GARIN5B: variants seen among roughly 807,000 people sequenced by gnomAD.
GARIN5B encodes Golgi-associated RAB2 interactor protein 5B.
chr19:55,355,003 C>T, the GARIN5B span: 35 of 203,766 alleles, frequency 1.7e-4, no homozygotes, highest in African/African-American at 8.5e-4. Context: ...AAGGCATATC[C>T]ATAGTTCTGG....
chr19:55,359,464 T>C, the GARIN5B span: 3 of 1,546,006 alleles, frequency 1.9e-6, no homozygotes, highest in Non-Finnish European at 1.7e-6. Context: ...CCTTCTGGGA[T>C]GGAGCAGGTA....
chr19:55,360,709 GT>G, the GARIN5B span: 1 of 1,551,642 alleles, frequency 6.4e-7, no homozygotes, highest in Non-Finnish European at 8.7e-7. Context: ...AGAGGACTGT[GT>G]CTGGTTGGCG....
the GARIN5B span, chr19:55,362,213 C>T: frequency 1.3e-6 from 2 of 1,489,752 alleles, no homozygotes; most frequent in Non-Finnish European, 8.9e-7. Context: ...CTGGGGCCTG[C>T]CATGCCCTGG....
chr19:55,356,075 C>T, the GARIN5B span, among the ~76,000 whole-genome samples: 1 of 151,926 alleles, frequency 6.6e-6, no homozygotes, highest in Admixed American at 6.6e-5. Context: ...CCATGAGCCA[C>T]GATCACACCG....
the GARIN5B span, chr19:55,361,137 G>T: frequency 1.9e-6 from 3 of 1,551,220 alleles, no homozygotes; most frequent in East Asian, 7.3e-5. Flanking sequence ...GTTAGACAGG[G>T]GCAGCCCCTT....
chr19:55,359,787 C>T, the GARIN5B span: 52 of 1,551,400 alleles, frequency 3.4e-5, no homozygotes, highest in Admixed American at 4.9e-4. Context: ...GGAGCCAGAC[C>T]GGAGGCAGCA....
At chr19:55,361,061 C>T in the GARIN5B span, 3 of 1,551,056 alleles carry the variant, frequency 1.9e-6, no homozygotes, top group Non-Finnish European at 2.6e-6. Context: ...ATGAGGGGCA[C>T]AGAGTCGCCC....
chr19:55,362,924 A>G, the GARIN5B span: 2 of 1,502,206 alleles, frequency 1.3e-6, no homozygotes, highest in Non-Finnish European at 1.8e-6. Context: ...GACCTGAACA[A>G]AGTTACTCTC....
the GARIN5B span, chr19:55,359,511 G>C: frequency 6.4e-7 from 1 of 1,551,112 alleles, no homozygotes; most frequent in Non-Finnish European, 8.7e-7. Context: ...GGTACAGCTG[G>C]GGCCTTCCGG....
chr19:55,362,291 AG>A, the GARIN5B span: 5 of 1,548,192 alleles, frequency 3.2e-6, no homozygotes, highest in Admixed American at 7.9e-5. Flanking sequence ...CGGCATATCC[AG>A]GGGGGCCGTG....
At chr19:55,359,110 C>T in the GARIN5B span, 103,389 of 1,551,262 alleles carry the variant, frequency 0.067, 3,849 homozygotes, top group Middle Eastern at 0.12. Flanking sequence ...CCACCGGCTC[C>T]GGTTTCCCTC....
the GARIN5B span, chr19:55,362,615 C>T: frequency 5.5e-5 from 85 of 1,546,676 alleles, 1 homozygote; most frequent in Middle Eastern, 1.7e-4. Flanking sequence ...CTGTCCTCGG[C>T]GGGCTGGCCG....
the GARIN5B span, chr19:55,355,046 G>A: frequency 6.3e-5 from 20 of 318,562 alleles, no homozygotes; most frequent in Non-Finnish European, 9.6e-5. Context: ...CCCCCAAGCG[G>A]CTTTCAACAT....
At chr19:55,356,799 C>T in the GARIN5B span, among the ~76,000 whole-genome samples, 1 of 151,792 alleles carries the variant, frequency 6.6e-6, no homozygotes, top group African/African-American at 2.4e-5. Flanking sequence ...TCTGTAATCC[C>T]AACACTTTTG....
At chr19:55,362,400 C>A in the GARIN5B span, 1 of 1,550,364 alleles carries the variant, frequency 6.5e-7, no homozygotes, top group Non-Finnish European at 8.7e-7. Context: ...TTGTCAGGGG[C>A]GTCCAGGGCC....
the GARIN5B span, chr19:55,362,216 T>C: frequency 3.4e-6 from 5 of 1,491,502 alleles, no homozygotes; most frequent in African/African-American, 1.4e-5. Flanking sequence ...GGGCCTGCCA[T>C]GCCCTGGTCT....
At chr19:55,362,860 G>C in the GARIN5B span, 229 of 1,468,758 alleles carry the variant, frequency 1.6e-4, 5 homozygotes, top group South Asian at 2.7e-3. Flanking sequence ...CCCCCAGCAC[G>C]GGGGGCCTTG....
the GARIN5B span, among the ~76,000 whole-genome samples, chr19:55,355,645 T>C: frequency 6.6e-6 from 1 of 152,176 alleles, no homozygotes; most frequent in Non-Finnish European, 1.5e-5. Context: ...GCCTGGTTAA[T>C]ATCAGGCCTG....
chr19:55,357,558 A>C, the GARIN5B span, among the ~76,000 whole-genome samples: 1 of 152,042 alleles, frequency 6.6e-6, no homozygotes, highest in Non-Finnish European at 1.5e-5. Context: ...GACACAAACA[A>C]CCCCAGCTCC....
Sources: allele counts gnomAD v4.1 joint callset (sites outside exome capture counted in the v4.1 genomes callset), GRCh38; gene constraint gnomAD v4.1.1; transcripts MANE v1.5; gene names NCBI Gene and HGNC (gene_info 2026-07-23, HGNC 2026-07-21).